The following MTUS1 variants were observed in gnomAD, a reference collection of about 807,000 sequenced individuals.
MTUS1 encodes the protein microtubule associated scaffold protein 1.
A neutral mutation model predicts 120.8 loss-of-function variants in MTUS1; 109 were observed. The observed-to-expected ratio is 0.90, with a 90% CI of 0.77 to 1.06. MTUS1 has a LOEUF of 1.06. Ranked by LOEUF, MTUS1 falls within the 50% of genes least tolerant of loss-of-function variation. MTUS1 has a pLI of 0.00. For missense variants in MTUS1, 2,210 were observed against 1,486.3 expected, an observed-to-expected ratio of 1.49 and a Z score of -8.01; for synonymous variants, 737 against 550.5, an observed-to-expected ratio of 1.34 and a Z score of -4.74.
intron 1 of MTUS1, among the ~76,000 whole-genome samples, chr8:17,775,953 C>T (rs1384356345): frequency 6.6e-6 from 1 of 152,208 alleles, no homozygotes; most frequent in East Asian, 1.9e-4. Context: ...GCATCAGCGC[C>T]GGTCCCATCT....
intron 1 of MTUS1, among the ~76,000 whole-genome samples, chr8:17,782,152 T>C (rs2050920278): frequency 6.6e-6 from 1 of 152,188 alleles, no homozygotes; most frequent in South Asian, 2.1e-4. Context: ...AACTCAATGA[T>C]GGGATTTTTT....
intron 7 of MTUS1, among the ~76,000 whole-genome samples, chr8:17,677,379 G>C (rs1479410550): frequency 6.6e-6 from 1 of 152,112 alleles, no homozygotes; most frequent in South Asian, 2.1e-4. Context: ...AAACTCATTT[G>C]GTGAACTTGC....
intron 1 of MTUS1, among the ~76,000 whole-genome samples, chr8:17,769,232 CT>C (rs35061390): frequency 0.028 from 3,690 of 131,202 alleles, 55 homozygotes; most frequent in South Asian, 0.055. Context: ...GCTTTTATTC[CT>C]TTTTTTTTTT....
chr8:17,702,931 C>T (rs899667340), intron 6 of MTUS1, among the ~76,000 whole-genome samples: 2 of 152,174 alleles, frequency 1.3e-5, no homozygotes, highest in African/African-American at 2.4e-5. Context: ...TAAAAATACT[C>T]TTATAATTTC....
intron 6 of MTUS1, among the ~76,000 whole-genome samples, chr8:17,697,022 G>A (rs749744266): frequency 6.6e-6 from 1 of 152,184 alleles, no homozygotes; most frequent in Non-Finnish European, 1.5e-5. Flanking sequence ...GAACACCAAG[G>A]CAACAATTCT....
At chr8:17,770,682 C>G (rs933046145) in intron 1 of MTUS1, 2 of 152,142 alleles carry the variant, frequency 1.3e-5, no homozygotes, top group Admixed American at 6.5e-5. Flanking sequence ...CTGAGTGTAA[C>G]GACTTTTTTA....
chr8:17,656,867 C>T (rs1317160353), intron 8 of MTUS1, among the ~76,000 whole-genome samples: 4 of 150,802 alleles, frequency 2.7e-5, no homozygotes, highest in African/African-American at 4.9e-5. Flanking sequence ...GTCAGGAGAT[C>T]GAGACCACGG....
At chr8:17,738,329 G>A (rs1380516586) in intron 3 of MTUS1, among the ~76,000 whole-genome samples, 1 of 152,154 alleles carries the variant, frequency 6.6e-6, no homozygotes, top group Non-Finnish European at 1.5e-5. Flanking sequence ...GGAGTCACGG[G>A]GCAGGGAGAG....
intron 12 of MTUS1, chr8:17,651,522 C>G (rs371540914): frequency 1.3e-5 from 2 of 148,594 alleles, no homozygotes; most frequent in Admixed American, 6.9e-5. Context: ...TACCCTTGTA[C>G]GCAGGATTTT....
intron 3 of MTUS1, among the ~76,000 whole-genome samples, chr8:17,728,938 C>A (rs762854071): frequency 6.6e-6 from 1 of 152,004 alleles, no homozygotes; most frequent in Non-Finnish European, 1.5e-5. Context: ...AGAATTTTAA[C>A]TAAAAAATGA....
At chr8:17,785,920 G>C (rs73569298) in intron 1 of MTUS1, among the ~76,000 whole-genome samples, 2,197 of 152,262 alleles carry the variant, frequency 0.014, 51 homozygotes, top group African/African-American at 0.049. Context: ...CAAAACAAGA[G>C]AATCTATTGA....
intron 7 of MTUS1, among the ~76,000 whole-genome samples, chr8:17,680,464 CAAAAAA>C (rs58490523): frequency 1.6e-3 from 39 of 24,282 alleles, no homozygotes; most frequent in South Asian, 6.5e-3. Context: ...GCCACTGTCG[CAAAAAA>C]AAAAAAAAAA....
At chr8:17,718,198 C>T (rs1822696266) in intron 4 of MTUS1, among the ~76,000 whole-genome samples, 1 of 152,168 alleles carries the variant, frequency 6.6e-6, no homozygotes, top group Non-Finnish European at 1.5e-5. Context: ...AAATATTTCC[C>T]CTGCCCTCTA....
chr8:17,730,040 C>T (rs1045735539), intron 3 of MTUS1, among the ~76,000 whole-genome samples: 5 of 149,866 alleles, frequency 3.3e-5, no homozygotes, highest in South Asian at 2.1e-4. Flanking sequence ...GGCAAGGACA[C>T]GGAGAAACTG....
At chr8:17,768,983 GACTT>G (rs1284490179) in intron 1 of MTUS1, among the ~76,000 whole-genome samples, 3 of 151,958 alleles carry the variant, frequency 2.0e-5, no homozygotes, top group African/African-American at 7.3e-5. Context: ...GTGGAAAACT[GACTT>G]ACTCAGTCAA....
At chr8:17,709,543 T>C (rs1477166770) in intron 6 of MTUS1, among the ~76,000 whole-genome samples, 3 of 152,154 alleles carry the variant, frequency 2.0e-5, no homozygotes, top group Admixed American at 6.6e-5. Flanking sequence ...GAACAAACTG[T>C]AGTCAACATT....
intron 1 of MTUS1, among the ~76,000 whole-genome samples, chr8:17,791,096 G>A (rs2051744787): frequency 6.6e-6 from 1 of 152,146 alleles, no homozygotes; most frequent in Admixed American, 6.5e-5. Context: ...GCATCATACT[G>A]GGTGTGGGAA....
intron 6 of MTUS1, among the ~76,000 whole-genome samples, chr8:17,700,384 C>G (rs10108535): frequency 1.5e-4 from 21 of 140,850 alleles, no homozygotes; most frequent in Non-Finnish European, 2.4e-4. Context: ...GCAGGAGAAC[C>G]GCTTGAATCT....
At chr8:17,670,901 G>A (rs1811882960) in intron 8 of MTUS1, among the ~76,000 whole-genome samples, 1 of 152,152 alleles carries the variant, frequency 6.6e-6, no homozygotes, top group East Asian at 1.9e-4. Flanking sequence ...ACAAAAAACA[G>A]CATACTATAT....
Sources: gnomAD v4.1 joint callset for allele counts (sites outside exome capture counted in the v4.1 genomes callset) on GRCh38, gnomAD v4.1.1 for gene constraint, MANE v1.5 for transcripts, NCBI Gene and HGNC (gene_info 2026-07-23, HGNC 2026-07-21) for gene names.